Variants in CPLANE1 observed in about 807,000 individuals in gnomAD.
CPLANE1 encodes the protein ciliogenesis and planar polarity effector 1.
A neutral mutation model predicts 362.5 loss-of-function variants in CPLANE1; 263 were observed. The observed-to-expected ratio is 0.73, with a 90% CI of 0.66 to 0.80. The LOEUF is 0.80. CPLANE1 is among the 30% of genes least tolerant of loss of function. CPLANE1 has a pLI of 0.00. For synonymous variants in CPLANE1, 1,212 were observed against 1,302.6 expected (o/e 0.93, Z 1.50); for missense variants, 3,461 against 3,793.4 (o/e 0.91, Z 2.30).
At chr5:37,170,003 C>A (rs746426077) in intron 33 of CPLANE1, 38 bp downstream of exon 33, 3 of 1,586,150 alleles carry the variant, frequency 1.9e-6, no homozygotes, top group South Asian at 1.2e-5. Context: ...ACATGAGCCA[C>A]CGCGCCCAGC....
chr5:37,191,383 A>T (rs1785508512), intron 21 of CPLANE1, among the ~76,000 whole-genome samples: 1 of 152,024 alleles, frequency 6.6e-6, no homozygotes, highest in Admixed American at 6.6e-5. Context: ...CAAATAAAAA[A>T]AATTAGGCCA....
rs1028633245 is a variant in CPLANE1 at position 37,209,358 on chromosome 5, C to G, written c.2921-2933G>C. ...CGAGGCGGGCTCCGGAGGAAGCTGA[C>G]GGCTGATGATGGCTCAGTCCAACAT... is the stretch of plus-strand genomic sequence containing the variant. On this transcript the variant is annotated intron_variant, in intron 16 of 52. Coordinates refer to ENST00000651892, the MANE Select transcript of CPLANE1 (RefSeq NM_001384732.1). The surrounding 1 kb of genome is among the most constrained non-coding windows in gnomAD (Gnocchi z 4.6). 1.1e-5 allele frequency: 11 copies of G among 1,005,944 alleles called. No individual in the cohort carries two copies. In the Admixed American group the frequency reaches 1.7e-4, roughly 16 times the overall value. The allele number at this position is 1,005,944 out of a possible 1,614,324, so 62.3% of individuals were successfully genotyped here.
In CPLANE1 at chr5:37,183,622, TTTTC is replaced by T. The variant is rs1561527896; in HGVS notation, c.4555_4558del (p.Glu1519IlefsTer18). ...TTCATGATCTTCTTTCTTTGTAGGATTTTCTTTCTGATTACACATTTTCCTTTTA... is the reference window on the plus strand; with the variant it reads ...TTCATGATCTTCTTTCTTTGTAGGATTTTCTGATTACACATTTTCCTTTTA... On this transcript the variant is annotated frameshift_variant, in exon 26 of 53. Transcript: ENST00000651892. 6.2e-7 allele frequency: 1 copy of T among 1,612,628 alleles called. No individual in the cohort carries two copies. The highest frequency in any genetic ancestry group is 8.5e-7 in the Non-Finnish European group (1 of 1,179,446).
At position 37,247,582 on chromosome 5, in the gene CPLANE1, A is replaced by G. The variant is rs112226917; in HGVS notation, c.81+36T>C. On this transcript the variant is annotated intron_variant, in intron 2 of 52. Transcript: ENST00000651892. ...CAGGCAAAACACACATATAACATAT[A>G]TAAAACTGGTATTGCATGAATAAAG... The G allele has an allele frequency of 1.3e-3, 1,944 of 1,524,720 alleles. 24 individuals carry two copies. The African/African-American group carries it at 0.024, about 19-fold the overall frequency. The allele number at this position is 1,524,720 out of a possible 1,614,324, so 94.4% of individuals were successfully genotyped here. A position where few individuals can be genotyped will look rare whatever the true frequency, so the allele number is the denominator to read the frequency against.
At chr5:37,165,019 T>C (rs1159087114) in intron 36 of CPLANE1, among the ~76,000 whole-genome samples, 3 of 152,060 alleles carry the variant, frequency 2.0e-5, no homozygotes, top group African/African-American at 4.8e-5. Flanking sequence ...AGCAGGAGGA[T>C]TGCCCGAGCC....
At chr5:37,111,213 C>T (rs1301856638) in intron 51 of CPLANE1, among the ~76,000 whole-genome samples, 7 of 151,712 alleles carry the variant, frequency 4.6e-5, no homozygotes, top group Non-Finnish European at 8.8e-5. Context: ...CTCCACCTCC[C>T]GGGTTCACAC....
intron 13 of CPLANE1, 35 bp from the exon 14 acceptor site, chr5:37,224,368 A>C (rs919237559): frequency 4.4e-5 from 62 of 1,417,722 alleles, no homozygotes; most frequent in Non-Finnish European, 5.9e-5. Context: ...AGTCATAGTT[A>C]ATTATATTAC....
At chr5:37,134,437 A>G (rs964692869) in intron 46 of CPLANE1, among the ~76,000 whole-genome samples, 1 of 152,234 alleles carries the variant, frequency 6.6e-6, no homozygotes, top group African/African-American at 2.4e-5. Flanking sequence ...AGGCATTCAT[A>G]AAAGTCTCTG....
At position 37,224,542 on chromosome 5, in the gene CPLANE1, T is replaced by C; in HGVS notation, c.2490A>G (p.Lys830=). 1 of 1,547,856 alleles carries C rather than the reference T, an allele frequency of 6.5e-7. No individual in the cohort carries two copies. The highest frequency in any genetic ancestry group is 8.7e-7 in the Non-Finnish European group (1 of 1,143,714). Residue 830 remains lysine (K), a synonymous_variant, in exon 13 of 53, where the codon AAA becomes AAG. Coordinates refer to ENST00000651892, the MANE Select transcript of CPLANE1 (RefSeq NM_001384732.1). ...TCATAAGATACTGACCATTGATAGA[T>C]TTAAGTTCTAAGGTTTGATTCAAGC... is the stretch of plus-strand genomic sequence containing the variant. ...GDCLNQTLEL[K]SINGEECFLL...
At chr5:37,107,928 G>T in intron 52 of CPLANE1, 150 bp from the exon 53 acceptor site, 1 of 1,272,158 alleles carries the variant, frequency 7.9e-7, no homozygotes, top group Non-Finnish European at 1.1e-6. Flanking sequence ...CAGGAAATAG[G>T]GCTGTGATTG....
At position 37,238,911 on chromosome 5, in the gene CPLANE1, C is replaced by T; in HGVS notation, c.884G>A (p.Gly295Asp). ...INTLNFVTLC[G>D]SLKGCSNKSP... is the part of the protein sequence containing the mutation. ...CTTGTTACTACATCCTTTAAGGCTA[C>T]CACAGAGAGTAACAAAATTCAGTGT... Residue 295 changes from glycine (G) to aspartate (D), a missense_variant, in exon 8 of 53, where the codon GGT becomes GAT. Gly to Asp is a moderately conservative substitution (Grantham distance 94, BLOSUM62 -1). This residue lies in a region of CPLANE1 where 3,380 missense variants were observed against 3,666.1 expected (regional missense o/e 0.92). Coordinates refer to ENST00000651892, the MANE Select transcript of CPLANE1 (RefSeq NM_001384732.1). 5 of 1,534,766 alleles carry T rather than the reference C, an allele frequency of 3.3e-6. No individual in the cohort carries two copies. Among genetic ancestry groups the T allele is most frequent in the Non-Finnish European group, 4.4e-6 (5 of 1,140,248 alleles).
At chr5:37,141,098 G>A (rs992428585) in intron 44 of CPLANE1, 13 of 985,062 alleles carry the variant, frequency 1.3e-5, no homozygotes, top group Middle Eastern at 5.2e-4. Context: ...AAAATGTCTC[G>A]TTTCTTCTAT....
intron 46 of CPLANE1, among the ~76,000 whole-genome samples, chr5:37,128,257 T>A (rs1764786086): frequency 6.6e-6 from 1 of 152,128 alleles, no homozygotes; most frequent in Admixed American, 6.5e-5. Context: ...ATCAACTCAG[T>A]CACCCAAGTA....
At chr5:37,177,354 G>C (rs1435353005) in intron 30 of CPLANE1, among the ~76,000 whole-genome samples, 1 of 152,058 alleles carries the variant, frequency 6.6e-6, no homozygotes, top group Non-Finnish European at 1.5e-5. Flanking sequence ...AATAAGCTTT[G>C]GCCTATTTAC....
chr5:37,187,884 T>C, intron 21 of CPLANE1, 42 bp from the exon 22 acceptor site: 3 of 1,386,328 alleles, frequency 2.2e-6, no homozygotes, highest in Non-Finnish European at 3.0e-6. Context: ...CACATGAGTA[T>C]GTACATTAAT....
In CPLANE1 at chr5:37,141,204, C is replaced by T. The variant is rs970136068; in HGVS notation, c.8632+1106G>A. On this transcript the variant is annotated intron_variant, in intron 44 of 52. Coordinates refer to ENST00000651892, the MANE Select transcript of CPLANE1 (RefSeq NM_001384732.1). ...TCTATGCCTCCATTCTATTTTTCCTCAAAACCTCCTTGTTTTACTTCTCTG... is the reference window on the plus strand; with the variant it reads ...TCTATGCCTCCATTCTATTTTTCCTTAAAACCTCCTTGTTTTACTTCTCTG... The T allele has an allele frequency of 1.0e-5, 10 of 985,234 alleles. No homozygotes were observed. In the African/African-American group the frequency reaches 1.4e-4, roughly 14 times the overall value. The allele number at this position is 985,234 out of a possible 1,614,324, so 61.0% of individuals were successfully genotyped here.
the CPLANE1 span, among the ~76,000 whole-genome samples, chr5:37,093,550 T>C: frequency 1.3e-5 from 2 of 152,162 alleles, no homozygotes; most frequent in Admixed American, 6.5e-5. Flanking sequence ...GTGTGCAAGA[T>C]CATCTCTCCT....
chr5:37,239,464 T>C (rs1431674509), intron 7 of CPLANE1, among the ~76,000 whole-genome samples: 1 of 151,420 alleles, frequency 6.6e-6, no homozygotes, highest in Non-Finnish European at 1.5e-5. Context: ...AAGCCTATGG[T>C]CTCAGCTACT....
At chr5:37,247,321 T>A (rs558863356) in intron 2 of CPLANE1, among the ~76,000 whole-genome samples, 1 of 152,346 alleles carries the variant, frequency 6.6e-6, no homozygotes, top group African/African-American at 2.4e-5. Context: ...TCCCTTTTGA[T>A]ATATGCCATC....
Sources: gnomAD v4.1 joint callset for allele counts (sites outside exome capture counted in the v4.1 genomes callset) on GRCh38, gnomAD v4.1.1 for gene constraint, gnomAD v4.1.1 regional missense constraint, Gnocchi (gnomAD v3.1) non-coding constraint, MANE v1.5 for transcripts, NCBI Gene and HGNC (gene_info 2026-07-23, HGNC 2026-07-21) for gene names.